Variants in CLNK observed in about 807,000 individuals in gnomAD.
CLNK encodes the protein cytokine dependent hematopoietic cell linker, also known as cytokine-dependent hematopoietic cell linker.
CLNK carries 74 observed loss-of-function variants against 68.6 expected under a neutral mutation model. That is an observed-to-expected ratio of 1.08 (90% CI 0.89 to 1.31). The LOEUF (loss-of-function observed/expected upper bound fraction) is 1.31, where lower values mean the gene tolerates loss of function less well. CLNK is among the 50% of genes most tolerant of loss of function. CLNK has a pLI of 0.00. For synonymous variants in CLNK, 198 were observed against 172.2 expected, an observed-to-expected ratio of 1.15 and a Z score of -1.17; for missense variants, 553 against 515.3, an observed-to-expected ratio of 1.07 and a Z score of -0.71.
chr4:10,513,460 T>A lies in CLNK; in HGVS notation c.906+4A>T, dbSNP rs199733744. The A allele has an allele frequency of 6.7e-5, 108 of 1,610,436 alleles. No homozygotes were observed. Among genetic ancestry groups the A allele is most frequent in the Admixed American group, 1.0e-4 (6 of 59,570 alleles). On this transcript the variant is annotated splice_donor_region_variant and intron_variant, in intron 16 of 18. Transcript: ENST00000226951. Reference sequence around the variant, plus strand: ...AAGGACTTGGCAGAGAAGTGTCTGCTTACCTTTCTATCAGACCTTTTGGGG... The same window carrying A: ...AAGGACTTGGCAGAGAAGTGTCTGCATACCTTTCTATCAGACCTTTTGGGG...
At chr4:10,664,228 GT>G (rs1390953955) in intron 2 of CLNK, among the ~76,000 whole-genome samples, 2 of 54,208 alleles carry the variant, frequency 3.7e-5, no homozygotes, top group Admixed American at 4.2e-4. Flanking sequence ...GCATTAACAA[GT>G]AAAAAAAAAA....
rs72173722 is a variant in CLNK, at chr4:10,489,669, C to CTTTTTTTTTTTTTTTTTTTTTTT, written c.*797_*798insAAAAAAAAAAAAAAAAAAAAAAA. On this transcript the variant is annotated 3_prime_UTR_variant, in exon 19 of 19. Transcript: ENST00000226951. ...GAGCTAATATTCACCAACCCAACAC[C>CTTTTTTTTTTTTTTTTTTTTTTT]TTTTTTTTTTTTTGAGACGGAGTCT... 1 of 62,328 alleles carries CTTTTTTTTTTTTTTTTTTTTTTT rather than the reference C, an allele frequency of 1.6e-5. No individual in the cohort carries two copies. The highest frequency in any genetic ancestry group is 3.7e-5 in the Non-Finnish European group (1 of 26,728). The allele number at this position is 62,328 out of a possible 1,614,324, so 3.9% of individuals were successfully genotyped here.
intron 16 of CLNK, among the ~76,000 whole-genome samples, chr4:10,510,236 G>A (rs1024384101): frequency 6.6e-6 from 1 of 152,086 alleles, no homozygotes; most frequent in Non-Finnish European, 1.5e-5. Context: ...GCGGGGGGAG[G>A]GGGGAAGTCC....
intron 5 of CLNK, among the ~76,000 whole-genome samples, chr4:10,567,482 C>T (rs7663019): frequency 0.42 from 64,021 of 151,932 alleles, 15,801 homozygotes; most frequent in Non-Finnish European, 0.56. Context: ...AACTATAAAA[C>T]CCTTAAAATA....
intron 11 of CLNK, among the ~76,000 whole-genome samples, chr4:10,539,186 A>G (rs959146771): frequency 2.0e-5 from 3 of 152,178 alleles, no homozygotes; most frequent in Non-Finnish European, 2.9e-5. Context: ...ATTCCTTCCC[A>G]TGCTGCCATG....
At chr4:10,580,987 C>A (rs1314299086) in intron 4 of CLNK, among the ~76,000 whole-genome samples, 1 of 152,188 alleles carries the variant, frequency 6.6e-6, no homozygotes, top group African/African-American at 2.4e-5. Context: ...TCCGCAAGCT[C>A]CCTTTATGGT....
At chr4:10,549,616 ATGAAT>A (rs1446286654) in intron 8 of CLNK, among the ~76,000 whole-genome samples, 1 of 152,222 alleles carries the variant, frequency 6.6e-6, no homozygotes, top group African/African-American at 2.4e-5. Context: ...TGTGGAATAA[ATGAAT>A]TGATGCACTT....
chr4:10,540,286 G>T lies in CLNK; in HGVS notation c.602+208C>A, dbSNP rs530746373. Among the ~76,000 whole-genome samples the T allele has an allele frequency of 3.9e-5, 6 of 152,258 alleles. No individual in the cohort carries two copies. The East Asian group carries it at 1.2e-3, about 29-fold the overall frequency. On this transcript the variant is annotated intron_variant, in intron 11 of 18. Transcript: ENST00000226951. ...TCCACCATGATTGTAAGTTTCGTGA[G>T]GCTTCCCCAGCCATGTGAAACTGTG...
At chr4:10,533,919 T>C (rs994625261) in intron 11 of CLNK, among the ~76,000 whole-genome samples, 11 of 152,206 alleles carry the variant, frequency 7.2e-5, no homozygotes, top group African/African-American at 2.7e-4. Flanking sequence ...ATTGTTAAAG[T>C]TTTGCTGGCT....
chr4:10,695,171 A>G, the CLNK span, among the ~76,000 whole-genome samples: 3 of 151,828 alleles, frequency 2.0e-5, no homozygotes, highest in Non-Finnish European at 4.4e-5. Flanking sequence ...TGCTAACAGA[A>G]TACATTCTAA....
chr4:10,603,880 T>G (rs1440819397), intron 2 of CLNK, among the ~76,000 whole-genome samples: 3 of 152,206 alleles, frequency 2.0e-5, no homozygotes, highest in African/African-American at 7.2e-5. Flanking sequence ...GGATTCTGAC[T>G]CTTTTATTTA....
chr4:10,522,296 T>C (rs1411443204), intron 14 of CLNK, among the ~76,000 whole-genome samples: 3 of 144,858 alleles, frequency 2.1e-5, no homozygotes, highest in African/African-American at 7.7e-5. Context: ...ATTAAAGGCC[T>C]GGCACGGTGG....
chr4:10,602,859 T>C (rs1721640663), intron 2 of CLNK, among the ~76,000 whole-genome samples: 1 of 152,146 alleles, frequency 6.6e-6, no homozygotes, highest in South Asian at 2.1e-4. Context: ...ATTTAAGTGA[T>C]GGTATAGTCA....
intron 2 of CLNK, among the ~76,000 whole-genome samples, chr4:10,609,108 G>T (rs1490092139): frequency 2.0e-5 from 3 of 152,200 alleles, no homozygotes; most frequent in Non-Finnish European, 4.4e-5. Context: ...GACAGGATAG[G>T]TGCTGCCCTC....
At chr4:10,617,721 C>T (rs577750604) in intron 2 of CLNK, among the ~76,000 whole-genome samples, 2 of 152,150 alleles carry the variant, frequency 1.3e-5, no homozygotes, top group Non-Finnish European at 2.9e-5. Context: ...TACCATATAG[C>T]CAGAAAAGAC....
intron 18 of CLNK, among the ~76,000 whole-genome samples, chr4:10,500,440 G>A (rs1200106037): frequency 6.6e-6 from 1 of 152,172 alleles, no homozygotes; most frequent in African/African-American, 2.4e-5. Context: ...CAGCACTTTG[G>A]GAGGCCAAGG....
chr4:10,709,557 C>G, the CLNK span, among the ~76,000 whole-genome samples: 2 of 152,170 alleles, frequency 1.3e-5, no homozygotes, highest in South Asian at 4.1e-4. Flanking sequence ...CCATAATTCT[C>G]TATTCCTCTC....
intron 8 of CLNK, among the ~76,000 whole-genome samples, chr4:10,553,054 G>C (rs937859543): frequency 8.6e-5 from 13 of 151,974 alleles, no homozygotes; most frequent in African/African-American, 2.9e-4. Flanking sequence ...GAAGAGGAGG[G>C]GGGGGCATGC....
At chr4:10,636,720 G>C (rs766813663) in intron 2 of CLNK, among the ~76,000 whole-genome samples, 1 of 152,126 alleles carries the variant, frequency 6.6e-6, no homozygotes, top group Non-Finnish European at 1.5e-5. Flanking sequence ...TGTGCAGGCA[G>C]GACATTGTAT....
Sources: allele counts gnomAD v4.1 joint callset (sites outside exome capture counted in the v4.1 genomes callset), GRCh38; gene constraint gnomAD v4.1.1; transcripts MANE v1.5; gene names NCBI Gene and HGNC (gene_info 2026-07-23, HGNC 2026-07-21).